NTM: variants seen among roughly 807,000 people sequenced by gnomAD.
NTM encodes the protein IgLON family member 2.
NTM carries 13 observed loss-of-function variants against 42.1 expected under a neutral mutation model. The ratio of observed to expected loss-of-function variants is 0.31; its 90% CI spans 0.20 to 0.49. The LOEUF is 0.49. NTM is among the 20% of genes least tolerant of loss of function. The pLI is 0.99. For synonymous variants in NTM, 187 were observed against 179.2 expected (o/e 1.04, Z -0.35); for missense variants, 373 against 452.8 (o/e 0.82, Z 1.60).
chr11:131,711,451 G>A lies in NTM; in HGVS notation c.83-200113G>A, dbSNP rs530355344. Among the ~76,000 whole-genome samples the A allele has an allele frequency of 6.6e-3, 1,009 of 152,326 alleles. 9 individuals carry two copies. Among genetic ancestry groups the A allele is most frequent in the African/African-American group, 0.022 (910 of 41,564 alleles). ...ATGAGATACAATCTCACACCAGTTA[G>A]AATGGCAATCATTAAAAAGTCAGGA... On this transcript the variant is annotated intron_variant, in intron 1 of 8. Coordinates refer to ENST00000683400, the MANE Select transcript of NTM (RefSeq NM_001352005.2).
intron 1 of NTM, among the ~76,000 whole-genome samples, chr11:131,478,780 G>C (rs1953235714): frequency 6.6e-6 from 1 of 152,228 alleles, no homozygotes; most frequent in Non-Finnish European, 1.5e-5. Context: ...AAGATGTCTA[G>C]TTTTATCCAA....
At chr11:132,285,335 G>A (rs1019470540) in intron 4 of NTM, among the ~76,000 whole-genome samples, 1 of 152,162 alleles carries the variant, frequency 6.6e-6, no homozygotes, top group Non-Finnish European at 1.5e-5. Context: ...TCTGCTCTGA[G>A]CTCCCTTTGT....
At chr11:131,738,179 T>G (rs1261789454) in intron 1 of NTM, among the ~76,000 whole-genome samples, 1 of 152,168 alleles carries the variant, frequency 6.6e-6, no homozygotes, top group Non-Finnish European at 1.5e-5. Context: ...CCTCAAATTC[T>G]TCTTTTGGAT....
At chr11:132,087,654 G>A (rs890179087) in intron 2 of NTM, among the ~76,000 whole-genome samples, 4 of 152,078 alleles carry the variant, frequency 2.6e-5, no homozygotes, top group African/African-American at 9.7e-5. Flanking sequence ...TGTGAATTGT[G>A]GTCCTGGTCT....
intron 1 of NTM, among the ~76,000 whole-genome samples, chr11:131,907,216 T>C (rs1293706156): frequency 6.6e-6 from 1 of 152,222 alleles, no homozygotes; most frequent in East Asian, 1.9e-4. Flanking sequence ...GTGTGTGGAA[T>C]AGTGATAGCT....
At chr11:131,580,115 G>T (rs1273046678) in intron 1 of NTM, among the ~76,000 whole-genome samples, 1 of 152,104 alleles carries the variant, frequency 6.6e-6, no homozygotes. Context: ...AGCCATAAAG[G>T]AATCCGAGAG....
intron 1 of NTM, among the ~76,000 whole-genome samples, chr11:131,733,850 TTCATAGCTGCATAATAATCTA>T (rs2080061881): frequency 6.6e-6 from 1 of 152,214 alleles, no homozygotes; most frequent in East Asian, 1.9e-4. Context: ...AAATGTTATT[TTCATAGCTGCATAATAATCTA>T]TCATATGGAT....
At chr11:132,329,313 C>T (rs76122434) in intron 7 of NTM, among the ~76,000 whole-genome samples, 2,524 of 152,302 alleles carry the variant, frequency 0.017, 70 homozygotes, top group African/African-American at 0.058. Context: ...ATTCCAAATT[C>T]AGGCCAAACA....
chr11:131,651,404 A>T (rs2134340130), intron 1 of NTM, among the ~76,000 whole-genome samples: 1 of 152,334 alleles, frequency 6.6e-6, no homozygotes, highest in Middle Eastern at 3.4e-3. Flanking sequence ...AATCAATTGC[A>T]CATCTTCCAT....
chr11:132,044,858 T>C (rs1320357077), intron 2 of NTM, among the ~76,000 whole-genome samples: 3 of 151,696 alleles, frequency 2.0e-5, no homozygotes, highest in Middle Eastern at 3.4e-3. Flanking sequence ...AATAGACCAA[T>C]AACGAGTTCT....
At chr11:132,008,588 C>T (rs1353569230) in intron 2 of NTM, among the ~76,000 whole-genome samples, 1 of 151,850 alleles carries the variant, frequency 6.6e-6, no homozygotes, top group African/African-American at 2.4e-5. Flanking sequence ...GATGTGAGTG[C>T]TGAGGGGTTT....
chr11:131,436,417 C>A (rs1444717680), intron 1 of NTM, among the ~76,000 whole-genome samples: 2 of 152,024 alleles, frequency 1.3e-5, no homozygotes, highest in Non-Finnish European at 2.9e-5. Context: ...TGGTCCTGGA[C>A]TTTTTTTGGT....
chr11:131,754,284 TA>T (rs777750198), intron 1 of NTM, among the ~76,000 whole-genome samples: 18 of 139,996 alleles, frequency 1.3e-4, no homozygotes, highest in African/African-American at 2.7e-4. Flanking sequence ...AAGTATAATT[TA>T]AAAAAAAAAG....
At chr11:132,006,218 C>A (rs1312563247) in intron 2 of NTM, among the ~76,000 whole-genome samples, 1 of 152,082 alleles carries the variant, frequency 6.6e-6, no homozygotes, top group Non-Finnish European at 1.5e-5. Flanking sequence ...AAAATAAAAC[C>A]CAGGGAGACC....
At chr11:132,287,777 G>T (rs1245470386) in intron 4 of NTM, among the ~76,000 whole-genome samples, 1 of 152,202 alleles carries the variant, frequency 6.6e-6, no homozygotes, top group Non-Finnish European at 1.5e-5. Context: ...ATGTGAATGT[G>T]TCTCTAATAA....
At chr11:131,616,287 G>A (rs1239410982) in intron 1 of NTM, among the ~76,000 whole-genome samples, 2 of 152,186 alleles carry the variant, frequency 1.3e-5, no homozygotes, top group Non-Finnish European at 2.9e-5. Context: ...AAGACAACCT[G>A]CTCAACATCC....
chr11:131,653,174 C>T (rs1434941044), intron 1 of NTM, among the ~76,000 whole-genome samples: 2 of 152,178 alleles, frequency 1.3e-5, no homozygotes, highest in South Asian at 2.1e-4. Context: ...GAAGAGACTT[C>T]GGTCCCTGCT....
intron 1 of NTM, among the ~76,000 whole-genome samples, chr11:131,784,315 C>T (rs557771349): frequency 6.6e-6 from 1 of 152,236 alleles, no homozygotes; most frequent in Admixed American, 6.5e-5. Flanking sequence ...ATAGCAGTTT[C>T]ATTTATGATA....
intron 5 of NTM, among the ~76,000 whole-genome samples, chr11:132,308,205 A>G (rs1191274200): frequency 1.3e-5 from 2 of 152,214 alleles, no homozygotes; most frequent in Admixed American, 6.5e-5. Flanking sequence ...AGACATCTCC[A>G]TAATGGGACA....
Sources: gnomAD v4.1 joint callset for allele counts (sites outside exome capture counted in the v4.1 genomes callset) on GRCh38, gnomAD v4.1.1 for gene constraint, MANE v1.5 for transcripts, NCBI Gene and HGNC (gene_info 2026-07-23, HGNC 2026-07-21) for gene names.